The following CDH17 variants were observed in gnomAD, a reference collection of about 807,000 sequenced individuals.
The protein encoded by CDH17 is cadherin-17.
Under a neutral mutation model 86.3 loss-of-function variants are expected in CDH17, and 67 were observed. The observed-to-expected ratio is 0.78, with a 90% CI of 0.64 to 0.95. The LOEUF is 0.95. Ranked by LOEUF, CDH17 falls within the 40% of genes least tolerant of loss-of-function variation. CDH17 has a pLI of 0.00. For synonymous variants in CDH17, 367 were observed against 366.4 expected (o/e 1.00, Z -0.02); for missense variants, 993 against 1,017.6 (o/e 0.98, Z 0.33).
rs2243518 is a variant in CDH17, at chr8:94,176,622, T to C, written c.343A>G (p.Lys115Glu). 1,266,878 of 1,613,186 alleles carry C rather than the reference T, an allele frequency of 0.79. 499,617 individuals are homozygous for C. Among genetic ancestry groups the C allele is most frequent in the African/African-American group, 0.93 (69,629 of 74,992 alleles). ...IVEGPVPITI[K>E]VKDINDNRPT... Reference sequence around the variant, plus strand: ...CGATTGTCGTTGATGTCCTTCACTTTTATGGTGATAGGGACTGGACCCTCC... The same window carrying C: ...CGATTGTCGTTGATGTCCTTCACTTCTATGGTGATAGGGACTGGACCCTCC... The change falls in exon 5 of 18, where the codon AAA (lysine) becomes GAA (glutamate). Residue 115 changes from lysine (K) to glutamate (E), a missense_variant. Lys to Glu is a moderately conservative substitution (Grantham distance 56). Coordinates refer to ENST00000027335, the MANE Select transcript of CDH17 (RefSeq NM_004063.4).
intron 13 of CDH17, among the ~76,000 whole-genome samples, 187 bp from the exon 14 acceptor site, chr8:94,149,061 C>T (rs998973559): frequency 5.3e-5 from 8 of 151,900 alleles, no homozygotes; most frequent in Non-Finnish European, 7.4e-5. Flanking sequence ...TTTAAAGGAT[C>T]TATTATCTCA....
chr8:94,137,347 T>C (rs2130576291), intron 15 of CDH17, among the ~76,000 whole-genome samples: 1 of 152,286 alleles, frequency 6.6e-6, no homozygotes, highest in South Asian at 2.1e-4. Flanking sequence ...TCAGCAATGG[T>C]GGATGCCCCT....
At chr8:94,133,415 T>C (rs1026998758) in intron 15 of CDH17, among the ~76,000 whole-genome samples, 2 of 152,232 alleles carry the variant, frequency 1.3e-5, no homozygotes, top group Non-Finnish European at 2.9e-5. Context: ...TATTTTATTC[T>C]CTTTGCAGCA....
intron 3 of CDH17, 75 bp downstream of exon 3, chr8:94,189,112 C>A: frequency 1.0e-6 from 1 of 990,882 alleles, no homozygotes; most frequent in Non-Finnish European, 1.6e-6. Context: ...TCCTGCTATA[C>A]AATAGATAAG....
Position 94,132,167 on chromosome 8 carries a change from G to A in CDH17, c.2168-1175C>T, listed in dbSNP as rs149814647. ...GTGCACGTGTCTTTATAGTAGCATGGTTTATAATCCTTTGGGTATATACCC... is the reference window on the plus strand; with the variant it reads ...GTGCACGTGTCTTTATAGTAGCATGATTTATAATCCTTTGGGTATATACCC... On this transcript the variant is annotated intron_variant, in intron 15 of 17. Transcript: ENST00000027335. Among the ~76,000 whole-genome samples the A allele has an allele frequency of 2.2e-3, 331 of 152,234 alleles. 2 individuals are homozygous for A. The highest frequency in any genetic ancestry group is 3.7e-3 in the Non-Finnish European group (252 of 68,008).
At chr8:94,130,253 A>G (rs1433923456) in intron 17 of CDH17, among the ~76,000 whole-genome samples, 4 of 152,156 alleles carry the variant, frequency 2.6e-5, no homozygotes, top group African/African-American at 9.7e-5. Flanking sequence ...AGGTGAGACC[A>G]TAAACTCTGG....
chr8:94,140,603 T>C (rs1193656704), intron 15 of CDH17, among the ~76,000 whole-genome samples: 5 of 151,836 alleles, frequency 3.3e-5, no homozygotes, highest in Non-Finnish European at 1.5e-5. Context: ...CAGTGAAATA[T>C]AAAACAAAAA....
rs764863610 is a variant in CDH17 at position 94,160,129 on chromosome 8, T to A, written c.1393A>T (p.Ile465Phe). 3.7e-6 allele frequency: 6 copies of A among 1,613,188 alleles called. No individual in the cohort carries two copies. The highest frequency in any genetic ancestry group is 5.1e-6 in the Non-Finnish European group (6 of 1,179,614). The change falls in exon 12 of 18, where the codon ATT (isoleucine) becomes TTT (phenylalanine). Residue 465 changes from isoleucine to phenylalanine, a missense_variant. By Grantham distance (21) the Ile-to-Phe change is conservative (BLOSUM62 0). Transcript: ENST00000027335. The part of the protein sequence containing the change: ...GNLTLAEDTN[I>F]GSTILTIQAT... ...TGGATGGTTAAGATGGTGGACCCAA[T>A]GTTTGTGTCTTCAGCAAGAGTCAGG... is the stretch of plus-strand genomic sequence containing the variant.
chr8:94,194,566 G>T, intron 2 of CDH17, 69 bp downstream of exon 2: 1 of 1,021,370 alleles, frequency 9.8e-7, no homozygotes, highest in Non-Finnish European at 1.5e-6. Context: ...TTCTTTCCCT[G>T]GTGTGGGGTA....
chr8:94,163,479 G>GC (rs1813097809), intron 10 of CDH17, among the ~76,000 whole-genome samples: 1 of 152,240 alleles, frequency 6.6e-6, no homozygotes, highest in African/African-American at 2.4e-5. Context: ...GTTGCCAACA[G>GC]CCCTCTTCTA....
chr8:94,136,588 G>A (rs1812532371), intron 15 of CDH17, among the ~76,000 whole-genome samples: 1 of 152,116 alleles, frequency 6.6e-6, no homozygotes, highest in African/African-American at 2.4e-5. Flanking sequence ...GTTCAAATGT[G>A]CTCCTTTAGC....
intron 12 of CDH17, among the ~76,000 whole-genome samples, chr8:94,157,373 C>T (rs746035056): frequency 2.3e-4 from 35 of 152,194 alleles, no homozygotes; most frequent in Admixed American, 7.2e-4. Flanking sequence ...TGGCTACATA[C>T]ATTTGTTATA....
chr8:94,204,298 C>T (rs7819765), intron 1 of CDH17, among the ~76,000 whole-genome samples: 56,218 of 151,658 alleles, frequency 0.37, 11,653 homozygotes, highest in Non-Finnish European at 0.48. Context: ...ACTCTCCCTC[C>T]GCTTGCCTCC....
chr8:94,142,696 CA>C (rs1308866925), intron 15 of CDH17, among the ~76,000 whole-genome samples: 1 of 152,172 alleles, frequency 6.6e-6, no homozygotes, highest in Non-Finnish European at 1.5e-5. Context: ...CTTGTTATTT[CA>C]ACAATGTTCA....
intron 7 of CDH17, 128 bp from the exon 8 acceptor site, chr8:94,171,113 C>G: frequency 1.1e-6 from 1 of 951,952 alleles, no homozygotes. Flanking sequence ...CTTGTAACAA[C>G]TGAATTACGT....
chr8:94,168,896 G>T (rs1262900618), intron 9 of CDH17, among the ~76,000 whole-genome samples: 1 of 152,070 alleles, frequency 6.6e-6, no homozygotes, highest in Non-Finnish European at 1.5e-5. Flanking sequence ...TTAGGTCATA[G>T]AAAGACTGAT....
At chr8:94,162,215 A>G in intron 10 of CDH17, 53 bp from the exon 11 acceptor site, 1 of 1,157,508 alleles carries the variant, frequency 8.6e-7, no homozygotes, top group Non-Finnish European at 1.3e-6. Flanking sequence ...CCATGCATTA[A>G]TATCAGAAAT....
Position 94,127,367 on chromosome 8 carries a change from A to G in CDH17, c.*873T>C, listed in dbSNP as rs1451940135. The G allele has an allele frequency of 6.6e-6, 1 of 152,272 alleles. No individual in the cohort carries two copies. Among genetic ancestry groups the G allele is most frequent in the Non-Finnish European group, 1.5e-5 (1 of 68,042 alleles). The allele number at this position is 152,272 out of a possible 1,614,324, so 9.4% of individuals were successfully genotyped here. A position where few individuals can be genotyped will look rare whatever the true frequency, so the allele number is the denominator to read the frequency against. On this transcript the variant is annotated 3_prime_UTR_variant, in exon 18 of 18. Coordinates refer to ENST00000027335, the MANE Select transcript of CDH17 (RefSeq NM_004063.4). ...GTTCCTTTACCAAGGTTTGCAGAGTAGGTTGTGTTTGAACACCTTCTGTGG... is the reference window on the plus strand; with the variant it reads ...GTTCCTTTACCAAGGTTTGCAGAGTGGGTTGTGTTTGAACACCTTCTGTGG...
chr8:94,146,207 C>T (rs765722409), intron 14 of CDH17, 40 bp from the exon 15 acceptor site: 42 of 1,399,518 alleles, frequency 3.0e-5, no homozygotes, highest in Middle Eastern at 1.9e-4. Flanking sequence ...TCAGTTCACT[C>T]ATTTTCCTCT....
Sources: gnomAD v4.1 joint callset for allele counts (sites outside exome capture counted in the v4.1 genomes callset) on GRCh38, gnomAD v4.1.1 for gene constraint, MANE v1.5 for transcripts, NCBI Gene and HGNC (gene_info 2026-07-23, HGNC 2026-07-21) for gene names.